The following ASAP2 variants were observed in gnomAD, a reference collection of about 807,000 sequenced individuals.
ASAP2 encodes the protein arf-GAP with SH3 domain, ANK repeat and PH domain-containing protein 2.
ASAP2 carries 45 observed loss-of-function variants against 131.4 expected under a neutral mutation model. The observed-to-expected ratio is 0.34, with a 90% confidence interval of 0.27 to 0.44. ASAP2 has a LOEUF of 0.44. ASAP2 is among the 20% of genes least tolerant of loss of function. The pLI is 1.00. For missense variants in ASAP2, 1,011 were observed against 1,297.0 expected, an observed-to-expected ratio of 0.78 and a Z score of 3.39; for synonymous variants, 510 against 503.0, an observed-to-expected ratio of 1.01 and a Z score of -0.19.
chr2:9,295,541 C>T (rs1172818846), intron 2 of ASAP2, among the ~76,000 whole-genome samples: 1 of 152,168 alleles, frequency 6.6e-6, no homozygotes, highest in Admixed American at 6.5e-5. Flanking sequence ...ATGTAGCTGA[C>T]GCCGCAGGCC....
intron 12 of ASAP2, among the ~76,000 whole-genome samples, chr2:9,352,356 G>T (rs1672410562): frequency 6.6e-6 from 1 of 152,240 alleles, no homozygotes; most frequent in East Asian, 1.9e-4. Flanking sequence ...AGTGGCTGGG[G>T]CTAACTCAGG....
chr2:9,230,897 G>A (rs2148024321), intron 1 of ASAP2, among the ~76,000 whole-genome samples: 1 of 152,288 alleles, frequency 6.6e-6, no homozygotes, highest in East Asian at 1.9e-4. Context: ...CAGGAGCATG[G>A]GCCAGGGGGT....
In ASAP2 at chr2:9,394,525, A is replaced by G. The variant is rs548965956; in HGVS notation, c.2684+878A>G. 3.3e-5 allele frequency among the ~76,000 whole-genome samples: 5 copies of G among 152,182 alleles called. No individual in the cohort carries two copies. In the South Asian group the frequency reaches 8.3e-4, roughly 25 times the overall value. The stretch of plus-strand genomic sequence containing the variant: ...GAAATGGTTCCTTTTAGTGGAAATG[A>G]TATTTAGAGGCCAAGTTCTGGGGGC... On this transcript the variant is annotated intron_variant, in intron 24 of 27. Coordinates refer to ENST00000281419, the MANE Select transcript of ASAP2 (RefSeq NM_003887.3).
intron 7 of ASAP2, among the ~76,000 whole-genome samples, chr2:9,332,918 G>A (rs559055150): frequency 2.0e-5 from 3 of 152,304 alleles, no homozygotes; most frequent in African/African-American, 4.8e-5. Context: ...AGAATGATGT[G>A]TCTGTCTAAA....
chr2:9,368,300 G>A, intron 15 of ASAP2, 125 bp from the exon 16 acceptor site: 1 of 869,600 alleles, frequency 1.1e-6, no homozygotes, highest in South Asian at 1.6e-5. Context: ...TTCATTAAAG[G>A]CAAACCACTT....
At chr2:9,386,128 A>G (rs1433234950) in intron 21 of ASAP2, among the ~76,000 whole-genome samples, 1 of 147,294 alleles carries the variant, frequency 6.8e-6, no homozygotes, top group South Asian at 2.1e-4. Context: ...CATTAAACAC[A>G]TTTTCATGGT....
intron 21 of ASAP2, among the ~76,000 whole-genome samples, chr2:9,387,497 A>G (rs374291754): frequency 3.9e-5 from 6 of 152,238 alleles, no homozygotes; most frequent in African/African-American, 9.6e-5. Flanking sequence ...TCCTGTTCAT[A>G]TGGGAGGAAA....
intron 1 of ASAP2, among the ~76,000 whole-genome samples, chr2:9,220,967 T>C (rs1266287835): frequency 6.6e-6 from 1 of 152,222 alleles, no homozygotes; most frequent in East Asian, 1.9e-4. Flanking sequence ...ACTTCTGATA[T>C]ATGAGTTTAT....
chr2:9,247,125 T>A (rs543636628), intron 1 of ASAP2, among the ~76,000 whole-genome samples: 2 of 152,216 alleles, frequency 1.3e-5, no homozygotes, highest in Non-Finnish European at 2.9e-5. Flanking sequence ...TGTGAGCCAC[T>A]GTGGCCAGCC....
intron 3 of ASAP2, among the ~76,000 whole-genome samples, chr2:9,317,377 C>T (rs1669800068): frequency 7.4e-6 from 1 of 134,726 alleles, no homozygotes; most frequent in African/African-American, 2.7e-5. Context: ...TCACCCCCAA[C>T]TCACATCCAC....
chr2:9,234,526 A>G (rs1663403512), intron 1 of ASAP2, among the ~76,000 whole-genome samples: 1 of 152,192 alleles, frequency 6.6e-6, no homozygotes, highest in African/African-American at 2.4e-5. Context: ...CTGCTGGGGC[A>G]GCTGGGACAT....
chr2:9,227,837 A>G (rs1481852614), intron 1 of ASAP2, among the ~76,000 whole-genome samples: 1 of 152,236 alleles, frequency 6.6e-6, no homozygotes, highest in Non-Finnish European at 1.5e-5. Context: ...AGGGATTTCA[A>G]GGTTCATATA....
At chr2:9,273,218 T>C (rs920943862) in intron 1 of ASAP2, among the ~76,000 whole-genome samples, 28 of 152,240 alleles carry the variant, frequency 1.8e-4, no homozygotes, top group African/African-American at 6.5e-4. Context: ...CCTCTTCAAT[T>C]TCTTACATCA....
intron 8 of ASAP2, 111 bp from the exon 9 acceptor site, chr2:9,334,982 G>A (rs958645760): frequency 2.4e-5 from 33 of 1,358,590 alleles, no homozygotes; most frequent in East Asian, 7.1e-5. Context: ...TTTGACCAGC[G>A]AGGGAGGCAG....
At chr2:9,355,947 A>G (rs1672670099) in intron 12 of ASAP2, 100 bp from the exon 13 acceptor site, 1 of 1,400,870 alleles carries the variant, frequency 7.1e-7, no homozygotes. Context: ...CGTAACAGAG[A>G]GCTAAGATTA....
intron 1 of ASAP2, among the ~76,000 whole-genome samples, chr2:9,273,084 A>G (rs10179702): frequency 0.12 from 18,414 of 152,162 alleles, 1,292 homozygotes; most frequent in African/African-American, 0.19. Context: ...TTCTGTGAAG[A>G]AAAGCATTGG....
chr2:9,278,341 C>T lies in ASAP2; in HGVS notation c.127-976C>T, dbSNP rs568540571. Among the ~76,000 whole-genome samples the T allele has an allele frequency of 5.9e-5, 9 of 151,930 alleles. No individual in the cohort carries two copies. The East Asian group carries it at 7.7e-4, about 13-fold the overall frequency. ...CATCCTGTCTAACATGGTGAAACCC[C>T]GTCTCTACTAAAAATGCAAAAATTA... On this transcript the variant is annotated intron_variant, in intron 1 of 27. Transcript: ENST00000281419.
chr2:9,367,606 CA>C (rs1444839322), intron 15 of ASAP2, among the ~76,000 whole-genome samples: 1 of 151,884 alleles, frequency 6.6e-6, no homozygotes, highest in Non-Finnish European at 1.5e-5. Flanking sequence ...ACAAACAATA[CA>C]AAAATCAGCT....
intron 14 of ASAP2, 54 bp from the exon 15 acceptor site, chr2:9,358,702 C>T: frequency 1.3e-6 from 2 of 1,582,300 alleles, no homozygotes; most frequent in Non-Finnish European, 1.7e-6. Context: ...AAAGATGTGA[C>T]TCCTGACCCT....
Sources: gnomAD v4.1 joint callset for allele counts (sites outside exome capture counted in the v4.1 genomes callset) on GRCh38, gnomAD v4.1.1 for gene constraint, MANE v1.5 for transcripts, NCBI Gene and HGNC (gene_info 2026-07-23, HGNC 2026-07-21) for gene names.